The following MAST4 variants were observed in gnomAD, a reference collection of about 807,000 sequenced individuals.
The protein encoded by MAST4 is microtubule associated serine/threonine kinase family member 4.
A neutral mutation model predicts 162.7 loss-of-function variants in MAST4; 89 were observed. That is an observed-to-expected ratio of 0.55 (90% CI 0.46 to 0.65). MAST4 has a LOEUF of 0.65. Among genes scored for constraint, MAST4 ranks in the 30% least tolerant of loss-of-function variants. The probability of loss-of-function intolerance (pLI) is 0.00; values close to 1 mark genes in which losing one functional copy is unlikely to be tolerated. For synonymous variants in MAST4, 1,479 were observed against 1,361.1 expected (o/e 1.09, Z -1.91); for missense variants, 3,153 against 3,374.0 (o/e 0.93, Z 1.62).
At chr5:66,602,000 C>T (rs1023029647) in intron 1 of MAST4, among the ~76,000 whole-genome samples, 6 of 151,950 alleles carry the variant, frequency 3.9e-5, no homozygotes, top group African/African-American at 1.2e-4. Flanking sequence ...ATGCATATAC[C>T]TATGAAATAC....
chr5:67,074,090 TA>T (rs1303457178), intron 5 of MAST4, among the ~76,000 whole-genome samples: 4 of 151,986 alleles, frequency 2.6e-5, no homozygotes, highest in African/African-American at 7.3e-5. Context: ...TGTTAAGTCA[TA>T]AAGAGCTTTT....
chr5:67,105,782 C>T (rs1007791839), intron 10 of MAST4, among the ~76,000 whole-genome samples: 6 of 152,194 alleles, frequency 3.9e-5, no homozygotes, highest in South Asian at 2.1e-4. Flanking sequence ...TATCTCATCA[C>T]GCACAGATGA....
intron 4 of MAST4, among the ~76,000 whole-genome samples, chr5:67,026,640 T>C (rs1754682823): frequency 7.7e-6 from 1 of 129,496 alleles, no homozygotes; most frequent in South Asian, 2.4e-4. Context: ...TCAATACATT[T>C]TATTGACTCT....
At chr5:67,056,997 C>T (rs748402758) in intron 5 of MAST4, among the ~76,000 whole-genome samples, 24 of 152,256 alleles carry the variant, frequency 1.6e-4, no homozygotes, top group Non-Finnish European at 2.8e-4. Flanking sequence ...GCCACCGCAC[C>T]GCACCCAGCA....
intron 2 of MAST4, among the ~76,000 whole-genome samples, chr5:66,770,971 A>G (rs1754329945): frequency 6.6e-6 from 1 of 152,198 alleles, no homozygotes; most frequent in Non-Finnish European, 1.5e-5. Flanking sequence ...TTACTGGGGC[A>G]GGAAAATACT....
intron 27 of MAST4, 84 bp from the exon 28 acceptor site, chr5:67,162,523 T>C (rs1773308797): frequency 1.6e-6 from 2 of 1,261,662 alleles, no homozygotes; most frequent in African/African-American, 1.5e-5. Context: ...CACACGGAGT[T>C]ATTGAGCTGA....
At position 67,156,796 on chromosome 5, in the gene MAST4, T is replaced by C. The variant is rs572625331; in HGVS notation, c.3648+3216T>C. ...CAATGGGCCCATCTCCCATCTGTGC[T>C]TTCCAGAGAAGGAAATGCAAAAGCA... On this transcript the variant is annotated intron_variant, in intron 26 of 28. Coordinates refer to ENST00000403625, the MANE Select transcript of MAST4 (RefSeq NM_001164664.2). 4.3e-4 allele frequency among the ~76,000 whole-genome samples: 65 copies of C among 152,334 alleles called. 1 individual carries two copies. The East Asian group carries it at 0.012, about 29-fold the overall frequency.
intron 3 of MAST4, among the ~76,000 whole-genome samples, chr5:66,877,462 G>A (rs917192037): frequency 6.6e-6 from 1 of 152,194 alleles, no homozygotes; most frequent in African/African-American, 2.4e-5. Context: ...GGGTCGCACA[G>A]CTGGTAAAAG....
At chr5:66,651,415 G>C (rs966547527) in intron 1 of MAST4, among the ~76,000 whole-genome samples, 5 of 151,922 alleles carry the variant, frequency 3.3e-5, no homozygotes, top group African/African-American at 4.8e-5. Flanking sequence ...TTTCTCCCAT[G>C]TGTTAACTTT....
At chr5:66,745,657 G>T (rs1420099468) in intron 1 of MAST4, among the ~76,000 whole-genome samples, 3 of 152,138 alleles carry the variant, frequency 2.0e-5, no homozygotes, top group African/African-American at 7.2e-5. Flanking sequence ...AATTTATTAG[G>T]TGTTGGACCA....
chr5:66,618,032 A>AT (rs1554035635), intron 1 of MAST4, among the ~76,000 whole-genome samples: 5 of 145,470 alleles, frequency 3.4e-5, no homozygotes, highest in South Asian at 4.4e-4. Flanking sequence ...TCTGGGAGGA[A>AT]TGGGGGGGGG....
chr5:67,126,230 C>G (rs1451139785), intron 14 of MAST4, among the ~76,000 whole-genome samples: 1 of 152,170 alleles, frequency 6.6e-6, no homozygotes, highest in Non-Finnish European at 1.5e-5. Context: ...TTTTGCTGTG[C>G]AGAAGCTCTT....
At chr5:66,798,287 G>T (rs1403086378) in intron 3 of MAST4, among the ~76,000 whole-genome samples, 2 of 152,108 alleles carry the variant, frequency 1.3e-5, no homozygotes, top group African/African-American at 4.8e-5. Flanking sequence ...ATCTTTTATT[G>T]TTCAGGGTAC....
At chr5:66,743,000 T>G (rs1052183089) in intron 1 of MAST4, among the ~76,000 whole-genome samples, 4 of 152,220 alleles carry the variant, frequency 2.6e-5, no homozygotes, top group African/African-American at 2.4e-5. Flanking sequence ...GCACTCTGAA[T>G]GCACTCTCAC....
intron 4 of MAST4, among the ~76,000 whole-genome samples, chr5:67,037,143 C>T (rs894886645): frequency 3.3e-5 from 5 of 152,038 alleles, no homozygotes; most frequent in Admixed American, 3.3e-4. Flanking sequence ...GCTTGTAATC[C>T]CAGCACTTTG....
intron 1 of MAST4, among the ~76,000 whole-genome samples, chr5:66,643,242 A>C (rs577231983): frequency 3.3e-4 from 51 of 152,290 alleles, no homozygotes; most frequent in Admixed American, 5.9e-4. Flanking sequence ...TTTTCTCAGA[A>C]GAAGGGACTA....
At chr5:66,859,713 T>C (rs963296596) in intron 3 of MAST4, among the ~76,000 whole-genome samples, 7 of 152,006 alleles carry the variant, frequency 4.6e-5, no homozygotes, top group African/African-American at 1.7e-4. Flanking sequence ...ATGAGATGAG[T>C]GATTTAAATA....
intron 5 of MAST4, among the ~76,000 whole-genome samples, chr5:67,074,126 C>T (rs949638234): frequency 1.0e-4 from 15 of 149,396 alleles, no homozygotes; most frequent in African/African-American, 3.8e-4. Flanking sequence ...GAAAATACTA[C>T]CCCCTAAATA....
intron 4 of MAST4, among the ~76,000 whole-genome samples, chr5:66,921,874 T>G (rs932382658): frequency 6.6e-6 from 1 of 152,260 alleles, no homozygotes; most frequent in East Asian, 1.9e-4. Flanking sequence ...ACGTTCTAAT[T>G]AAATAATATT....
Sources: allele counts gnomAD v4.1 joint callset (sites outside exome capture counted in the v4.1 genomes callset), GRCh38; gene constraint gnomAD v4.1.1; transcripts MANE v1.5; gene names NCBI Gene and HGNC (gene_info 2026-07-23, HGNC 2026-07-21).